Variants in FHIT observed in about 807,000 individuals in gnomAD.
The protein encoded by FHIT is bis(5'-adenosyl)-triphosphatase.
Under a neutral mutation model 17.9 loss-of-function variants are expected in FHIT, and 19 were observed. The observed-to-expected ratio is 1.06, with a 90% CI of 0.74 to 1.56. The LOEUF (loss-of-function observed/expected upper bound fraction) is 1.56. FHIT is among the 40% of genes most tolerant of loss of function. FHIT has a pLI of 0.00. For missense variants in FHIT, 248 were observed against 189.2 expected (o/e 1.31, Z -1.82); for synonymous variants, 81 against 69.7 (o/e 1.16, Z -0.81).
intron 7 of FHIT, among the ~76,000 whole-genome samples, chr3:59,942,925 A>G (rs751852931): frequency 1.3e-5 from 2 of 152,136 alleles, no homozygotes; most frequent in Admixed American, 1.3e-4. Context: ...CTGGGATTAC[A>G]AGCATGACCC....
chr3:60,906,898 A>G (rs1553764697), intron 3 of FHIT, among the ~76,000 whole-genome samples: 2 of 152,206 alleles, frequency 1.3e-5, no homozygotes, highest in Non-Finnish European at 2.9e-5. Flanking sequence ...TGCTCTATGA[A>G]TAAATTGTTC....
intron 5 of FHIT, among the ~76,000 whole-genome samples, chr3:60,259,552 G>A (rs532389805): frequency 1.8e-4 from 28 of 152,220 alleles, no homozygotes; most frequent in South Asian, 1.0e-3. Context: ...TTTTAAGGGA[G>A]TATCTTAAAA....
intron 4 of FHIT, among the ~76,000 whole-genome samples, chr3:60,586,204 TC>T (rs1559559514): frequency 6.6e-6 from 1 of 151,948 alleles, no homozygotes; most frequent in East Asian, 1.9e-4. Context: ...TTCTTTTACA[TC>T]TATTTCCAGA....
chr3:60,099,773 CATG>C (rs1443937044), intron 5 of FHIT, among the ~76,000 whole-genome samples: 1 of 152,100 alleles, frequency 6.6e-6, no homozygotes, highest in Non-Finnish European at 1.5e-5. Flanking sequence ...CATTTTAACT[CATG>C]ATAAGTTTAT....
intron 4 of FHIT, among the ~76,000 whole-genome samples, chr3:60,661,628 CG>C (rs1553691189): frequency 6.6e-6 from 1 of 152,168 alleles, no homozygotes; most frequent in Non-Finnish European, 1.5e-5. Flanking sequence ...GGAATCTCCA[CG>C]CTGTTTTCCA....
chr3:60,950,485 C>CT lies in FHIT; in HGVS notation c.-111+91561dup, dbSNP rs199681114. On this transcript the variant is annotated intron_variant, in intron 3 of 9. Coordinates refer to ENST00000492590, the MANE Select transcript of FHIT (RefSeq NM_002012.4). The stretch of plus-strand genomic sequence containing the variant: ...AGGCTGCTAGGTAGGGCTTTTTTTT[C>CT]TTTTTTTTTTTTTGAGACGGAGTCT... 9.1e-3 allele frequency among the ~76,000 whole-genome samples: 1,274 copies of CT among 140,416 alleles called. 8 individuals are homozygous for CT. Among genetic ancestry groups the CT allele is most frequent in the African/African-American group, 0.024 (914 of 38,510 alleles). The allele number at this position is 140,416 out of a possible 152,430, so 92.1% of individuals were successfully genotyped here.
At chr3:60,994,749 G>C (rs1396218632) in intron 3 of FHIT, among the ~76,000 whole-genome samples, 8 of 152,120 alleles carry the variant, frequency 5.3e-5, no homozygotes, top group Admixed American at 5.2e-4. Context: ...ATGGATAGAT[G>C]CAAGTGTCCT....
intron 5 of FHIT, among the ~76,000 whole-genome samples, chr3:60,309,009 A>C (rs987849888): frequency 1.3e-5 from 2 of 152,150 alleles, no homozygotes; most frequent in African/African-American, 4.8e-5. Flanking sequence ...TAAGATATCC[A>C]CTTTCTAGGC....
intron 5 of FHIT, among the ~76,000 whole-genome samples, chr3:60,311,734 T>C (rs1708956171): frequency 6.6e-6 from 1 of 152,196 alleles, no homozygotes; most frequent in Admixed American, 6.5e-5. Context: ...GAGCTATCAT[T>C]TGTATGGGCT....
intron 4 of FHIT, among the ~76,000 whole-genome samples, chr3:60,592,593 T>A (rs1164621230): frequency 2.0e-5 from 3 of 152,284 alleles, no homozygotes; most frequent in East Asian, 1.9e-4. Context: ...ATTCACTGCC[T>A]GGGCAGCAGG....
At chr3:60,579,713 A>G (rs2037692308) in intron 4 of FHIT, among the ~76,000 whole-genome samples, 1 of 152,182 alleles carries the variant, frequency 6.6e-6, no homozygotes. Context: ...AGATGTTACA[A>G]TTGGAAATCT....
chr3:60,551,825 C>G (rs2036569281), intron 4 of FHIT, among the ~76,000 whole-genome samples: 1 of 151,378 alleles, frequency 6.6e-6, no homozygotes, highest in South Asian at 2.1e-4. Flanking sequence ...TCTGTTAAGA[C>G]TTTTGAAAAG....
chr3:59,924,464 G>A (rs1247144046), intron 7 of FHIT, among the ~76,000 whole-genome samples: 1 of 152,122 alleles, frequency 6.6e-6, no homozygotes, highest in Non-Finnish European at 1.5e-5. Flanking sequence ...AAGTCTATGT[G>A]TCAGTATCTT....
chr3:61,018,791 T>C (rs189792815), intron 3 of FHIT, among the ~76,000 whole-genome samples: 15 of 152,344 alleles, frequency 9.8e-5, no homozygotes, highest in Non-Finnish European at 1.8e-4. Context: ...TGTTTTAGTT[T>C]TGCATTTCTT....
At chr3:61,060,351 C>T (rs952924129) in intron 2 of FHIT, among the ~76,000 whole-genome samples, 1 of 152,154 alleles carries the variant, frequency 6.6e-6, no homozygotes, top group Non-Finnish European at 1.5e-5. Context: ...CTATCAATGA[C>T]ATTAAGTAAG....
At chr3:60,084,560 ATTTC>A (rs1559618191) in intron 5 of FHIT, among the ~76,000 whole-genome samples, 1 of 152,182 alleles carries the variant, frequency 6.6e-6, no homozygotes, top group Non-Finnish European at 1.5e-5. Flanking sequence ...ATGGCATCAC[ATTTC>A]TTTATTAATA....
At chr3:60,582,003 T>A (rs2037762718) in intron 4 of FHIT, among the ~76,000 whole-genome samples, 1 of 151,792 alleles carries the variant, frequency 6.6e-6, no homozygotes, top group Non-Finnish European at 1.5e-5. Context: ...AGGGCAGGAT[T>A]TTTGCTTTAC....
chr3:61,154,269 C>T (rs1402540254), intron 2 of FHIT, among the ~76,000 whole-genome samples: 1 of 152,060 alleles, frequency 6.6e-6, no homozygotes, highest in Non-Finnish European at 1.5e-5. Context: ...ACTAAATGAA[C>T]CGAACATATT....
intron 3 of FHIT, among the ~76,000 whole-genome samples, chr3:61,036,695 T>C (rs985547508): frequency 5.3e-5 from 8 of 152,120 alleles, no homozygotes; most frequent in South Asian, 2.1e-4. Context: ...TTGGGGAAGT[T>C]TGAGGAGTTT....
Sources: gnomAD v4.1 joint callset for allele counts (sites outside exome capture counted in the v4.1 genomes callset) on GRCh38, gnomAD v4.1.1 for gene constraint, MANE v1.5 for transcripts, NCBI Gene and HGNC (gene_info 2026-07-23, HGNC 2026-07-21) for gene names.